RIT2: variants seen among roughly 807,000 people sequenced by gnomAD.
RIT2 encodes Ras like without CAAX 2.
Under a neutral mutation model 23.7 loss-of-function variants are expected in RIT2, and 24 were observed. That is an observed-to-expected ratio of 1.01 (90% CI 0.73 to 1.43). The LOEUF (loss-of-function observed/expected upper bound fraction) is 1.43, where lower values mean the gene tolerates loss of function less well. Among genes scored for constraint, RIT2 ranks in the 40% most tolerant of loss-of-function variants. The pLI is 0.00. For missense variants in RIT2, 236 were observed against 266.9 expected, an observed-to-expected ratio of 0.88 and a Z score of 0.81; for synonymous variants, 107 against 91.1, an observed-to-expected ratio of 1.17 and a Z score of -0.99.
chr18:43,084,435 C>T (rs867885266), intron 1 of RIT2, among the ~76,000 whole-genome samples: 16 of 152,130 alleles, frequency 1.1e-4, no homozygotes, highest in African/African-American at 2.7e-4. Context: ...CACATGTACA[C>T]GTATGTTTAT....
chr18:42,786,848 C>T (rs1294689717), intron 4 of RIT2, among the ~76,000 whole-genome samples: 1 of 152,100 alleles, frequency 6.6e-6, no homozygotes, highest in African/African-American at 2.4e-5. Context: ...CCGAGAACTT[C>T]CCCGTGATCC....
At chr18:43,101,225 T>C (rs1176664572) in intron 1 of RIT2, among the ~76,000 whole-genome samples, 1 of 152,112 alleles carries the variant, frequency 6.6e-6, no homozygotes, top group African/African-American at 2.4e-5. Flanking sequence ...AAGAGTAGAA[T>C]TGCTAAACCA....
intron 4 of RIT2, among the ~76,000 whole-genome samples, chr18:42,883,399 A>C (rs780460427): frequency 2.0e-5 from 3 of 152,144 alleles, no homozygotes; most frequent in Non-Finnish European, 4.4e-5. Flanking sequence ...GACTACGTTA[A>C]TTTTCTTGCC....
intron 2 of RIT2, among the ~76,000 whole-genome samples, chr18:43,013,722 G>T (rs1053331033): frequency 6.6e-6 from 1 of 151,532 alleles, no homozygotes; most frequent in East Asian, 2.0e-4. Context: ...GCATTAACTC[G>T]CTGCAATTTT....
chr18:43,083,517 C>T (rs935948607), intron 1 of RIT2, among the ~76,000 whole-genome samples: 7 of 151,944 alleles, frequency 4.6e-5, no homozygotes, highest in Non-Finnish European at 7.4e-5. Context: ...GCGTGGTGCT[C>T]GTACCAAAAC....
chr18:42,777,353 G>A (rs534453822), intron 4 of RIT2, among the ~76,000 whole-genome samples: 1 of 151,624 alleles, frequency 6.6e-6, no homozygotes, highest in Non-Finnish European at 1.5e-5. Flanking sequence ...ACAGCATATA[G>A]ATGGCATTTA....
At chr18:42,795,638 C>A (rs1270123770) in intron 4 of RIT2, among the ~76,000 whole-genome samples, 1 of 152,266 alleles carries the variant, frequency 6.6e-6, no homozygotes, top group African/African-American at 2.4e-5. Context: ...GACTGGCAGG[C>A]AGCTCCACCT....
chr18:43,084,796 C>G (rs1913243366), intron 1 of RIT2, among the ~76,000 whole-genome samples: 1 of 152,106 alleles, frequency 6.6e-6, no homozygotes, highest in Admixed American at 6.6e-5. Flanking sequence ...GGCTTAAAAC[C>G]TAGTGACACG....
intron 4 of RIT2, among the ~76,000 whole-genome samples, chr18:42,802,713 T>C (rs1202985902): frequency 6.6e-6 from 1 of 152,238 alleles, no homozygotes; most frequent in Non-Finnish European, 1.5e-5. Context: ...CATCTTTTTC[T>C]TTATTTTGTT....
intron 2 of RIT2, among the ~76,000 whole-genome samples, chr18:42,982,320 C>T (rs973514606): frequency 3.9e-5 from 6 of 152,104 alleles, no homozygotes; most frequent in African/African-American, 1.2e-4. Context: ...TCTCTGCGGG[C>T]CCCCAGTCAA....
At chr18:43,052,978 G>A (rs747938381) in intron 1 of RIT2, among the ~76,000 whole-genome samples, 1 of 151,896 alleles carries the variant, frequency 6.6e-6, no homozygotes, top group Non-Finnish European at 1.5e-5. Flanking sequence ...TAATTAAATG[G>A]GGCCCAGAGA....
chr18:42,827,695 G>A (rs531208050), intron 4 of RIT2, among the ~76,000 whole-genome samples: 10 of 152,060 alleles, frequency 6.6e-5, no homozygotes, highest in Non-Finnish European at 1.3e-4. Context: ...ATATAAAGAT[G>A]TTCAATGTCA....
At chr18:42,976,518 AC>A (rs1910481407) in intron 2 of RIT2, among the ~76,000 whole-genome samples, 1 of 152,076 alleles carries the variant, frequency 6.6e-6, no homozygotes, top group Admixed American at 6.6e-5. Flanking sequence ...TAGGAAAATC[AC>A]CTGACCTCTC....
At chr18:42,996,180 G>A (rs1268804986) in intron 2 of RIT2, among the ~76,000 whole-genome samples, 2 of 151,944 alleles carry the variant, frequency 1.3e-5, no homozygotes, top group Admixed American at 6.6e-5. Flanking sequence ...AATGACAAAT[G>A]TTTCTTCTAA....
intron 4 of RIT2, among the ~76,000 whole-genome samples, chr18:42,914,587 A>G (rs1908854138): frequency 6.6e-6 from 1 of 152,104 alleles, no homozygotes. Context: ...AAATAATTAT[A>G]TAGATGAAAA....
At chr18:43,055,510 G>A (rs1488038805) in intron 1 of RIT2, among the ~76,000 whole-genome samples, 2 of 152,036 alleles carry the variant, frequency 1.3e-5, no homozygotes, top group Non-Finnish European at 2.9e-5. Context: ...TATCCTTCAA[G>A]TTATCCAGAA....
chr18:42,958,010 T>C (rs1007911561), intron 3 of RIT2, among the ~76,000 whole-genome samples: 1 of 152,052 alleles, frequency 6.6e-6, no homozygotes, highest in Non-Finnish European at 1.5e-5. Context: ...CAGGGACCAC[T>C]GGTTAACCTG....
chr18:42,906,786 C>T (rs149164019), intron 4 of RIT2, among the ~76,000 whole-genome samples: 2 of 152,258 alleles, frequency 1.3e-5, no homozygotes, highest in African/African-American at 4.8e-5. Flanking sequence ...ATGAAAATAG[C>T]TTTGTTTCCC....
At chr18:42,766,931 G>T (rs980179797) in intron 4 of RIT2, among the ~76,000 whole-genome samples, 2 of 152,190 alleles carry the variant, frequency 1.3e-5, no homozygotes, top group African/African-American at 4.8e-5. Context: ...ACCTGTAGGT[G>T]CACAGAAGTC....
Sources: allele counts gnomAD v4.1 joint callset (sites outside exome capture counted in the v4.1 genomes callset), GRCh38; gene constraint gnomAD v4.1.1; transcripts MANE v1.5; gene names NCBI Gene and HGNC (gene_info 2026-07-23, HGNC 2026-07-21).